The following PSMG2 variants were observed in gnomAD, a reference collection of about 807,000 sequenced individuals.
PSMG2 encodes CD40 ligand-activated specific transcript 3.
Under a neutral mutation model 31.5 loss-of-function variants are expected in PSMG2, and 21 were observed. The ratio of observed to expected loss-of-function variants is 0.67; its 90% confidence interval spans 0.47 to 0.96. The LOEUF is 0.96. Among genes scored for constraint, PSMG2 ranks in the 40% least tolerant of loss-of-function variants. PSMG2 has a pLI of 0.00. For missense variants in PSMG2, 318 were observed against 321.2 expected, an observed-to-expected ratio of 0.99 and a Z score of 0.08; for synonymous variants, 120 against 110.4, an observed-to-expected ratio of 1.09 and a Z score of -0.54.
chr18:12,668,932 G>T (rs1441567612), intron 1 of PSMG2, among the ~76,000 whole-genome samples: 1 of 149,946 alleles, frequency 6.7e-6, no homozygotes, highest in East Asian at 2.0e-4. Context: ...GTAGAGACGG[G>T]GTTTCATCAA....
chr18:12,682,721 C>T (rs1291333533), intron 1 of PSMG2, among the ~76,000 whole-genome samples: 1 of 151,910 alleles, frequency 6.6e-6, no homozygotes, highest in Non-Finnish European at 1.5e-5. Flanking sequence ...CTCCTCCTCC[C>T]GGGTTCCAAT....
chr18:12,670,535 C>T (rs1056450425), intron 1 of PSMG2: 8 of 152,098 alleles, frequency 5.3e-5, no homozygotes, highest in African/African-American at 1.9e-4. Context: ...GTTAATACAG[C>T]CTTGATCTTA....
chr18:12,716,150 C>A (rs1460439883), intron 3 of PSMG2, among the ~76,000 whole-genome samples: 1 of 152,148 alleles, frequency 6.6e-6, no homozygotes. Context: ...ACTTTTGATG[C>A]TACATTTGAT....
At chr18:12,671,059 G>A (rs1299276449) in intron 1 of PSMG2, 3 of 150,746 alleles carry the variant, frequency 2.0e-5, no homozygotes, top group African/African-American at 7.3e-5. Context: ...TAATATTTCA[G>A]ACTTTTTAAA....
intron 1 of PSMG2, chr18:12,672,781 C>T (rs1208166239): frequency 2.0e-6 from 2 of 978,872 alleles, no homozygotes; most frequent in African/African-American, 3.5e-5. Context: ...AATATTTATG[C>T]TTTTCTGGTA....
chr18:12,725,677 C>A lies in PSMG2; in HGVS notation c.*146C>A. 2.1e-6 allele frequency: 1 copy of A among 483,650 alleles called. No homozygotes were observed. Among genetic ancestry groups the A allele is most frequent in the Non-Finnish European group, 3.5e-6 (1 of 282,738 alleles). 30.0% of individuals were successfully genotyped at this position (483,650 alleles called of 1,614,324 possible). A position where few individuals can be genotyped will look rare whatever the true frequency, so the allele number is the denominator to read the frequency against. On this transcript the variant is annotated 3_prime_UTR_variant, in exon 7 of 7. Transcript: ENST00000317615. ...AGAAAAAAGATTAAGGGTCTCTTTGCCATGCTTTTCATCATATGCACCAAA... is the reference window on the plus strand; with the variant it reads ...AGAAAAAAGATTAAGGGTCTCTTTGACATGCTTTTCATCATATGCACCAAA...
upstream of PSMG2, chr18:12,699,257 T>C: frequency 8.1e-7 from 1 of 1,227,556 alleles, no homozygotes; most frequent in Non-Finnish European, 1.2e-6. Flanking sequence ...TAAAAGAATG[T>C]GATCAAGACA....
intron 3 of PSMG2, 106 bp from the exon 4 acceptor site, chr18:12,718,406 ATAAAT>A (rs2040398411): frequency 5.7e-6 from 3 of 527,572 alleles, no homozygotes; most frequent in Non-Finnish European, 9.6e-6. Context: ...TTCAGTATAT[ATAAAT>A]TATATATCAT....
intron 3 of PSMG2, among the ~76,000 whole-genome samples, chr18:12,716,402 T>C (rs1433820835): frequency 2.0e-5 from 3 of 150,546 alleles, no homozygotes; most frequent in Non-Finnish European, 4.4e-5. Context: ...TTTTTTTTTT[T>C]TTTTTTTTTG....
At chr18:12,661,251 T>C (rs2038690571) in intron 1 of PSMG2, 1 of 366,902 alleles carries the variant, frequency 2.7e-6, no homozygotes, top group South Asian at 1.1e-4. Context: ...GAGCGTGCAG[T>C]GAGCCGAGAT....
chr18:12,703,690 G>C (rs1372902090), intron 1 of PSMG2, among the ~76,000 whole-genome samples: 1 of 152,134 alleles, frequency 6.6e-6, no homozygotes, highest in African/African-American at 2.4e-5. Flanking sequence ...CACTGTAGTT[G>C]GAAACATGTA....
intron 1 of PSMG2, among the ~76,000 whole-genome samples, chr18:12,691,709 A>T (rs1240212176): frequency 5.7e-5 from 8 of 140,300 alleles, no homozygotes; most frequent in Non-Finnish European, 1.2e-4. Context: ...CAAAGACAGA[A>T]TTTTTTTTTT....
chr18:12,724,455 G>T, intron 5 of PSMG2, 44 bp from the exon 6 acceptor site: 1 of 1,544,914 alleles, frequency 6.5e-7, no homozygotes, highest in Non-Finnish European at 8.7e-7. Context: ...GTCAGCTCTT[G>T]TACCCTATGA....
At chr18:12,670,015 A>G (rs1315745283) in intron 1 of PSMG2, among the ~76,000 whole-genome samples, 2 of 151,296 alleles carry the variant, frequency 1.3e-5, no homozygotes, top group African/African-American at 4.9e-5. Context: ...AAGAAAAGAA[A>G]AAGAAAAAGA....
chr18:12,669,312 A>G (rs976769309), intron 1 of PSMG2, among the ~76,000 whole-genome samples: 10 of 151,794 alleles, frequency 6.6e-5, no homozygotes, highest in Non-Finnish European at 1.2e-4. Flanking sequence ...GGGTTTCTCT[A>G]TGTTGGTCAG....
chr18:12,701,102 A>G (rs765489858), upstream of PSMG2: 2 of 1,611,412 alleles, frequency 1.2e-6, no homozygotes, highest in East Asian at 4.5e-5. Flanking sequence ...TTATTCTACC[A>G]TGGACATCCA....
chr18:12,660,195 G>A (rs2038667519), intron 1 of PSMG2, among the ~76,000 whole-genome samples: 1 of 152,078 alleles, frequency 6.6e-6, no homozygotes. Flanking sequence ...GCATAGAGCA[G>A]TAAATAAATC....
chr18:12,664,360 G>A (rs972154832), intron 1 of PSMG2, among the ~76,000 whole-genome samples: 8 of 151,898 alleles, frequency 5.3e-5, no homozygotes, highest in Non-Finnish European at 8.8e-5. Context: ...TGGCTAACAC[G>A]GTGAAACCTC....
intron 1 of PSMG2, among the ~76,000 whole-genome samples, chr18:12,666,991 C>G (rs2038816926): frequency 6.6e-6 from 1 of 151,722 alleles, no homozygotes; most frequent in Non-Finnish European, 1.5e-5. Flanking sequence ...AAATCTCAAT[C>G]TGATTCTGAT....
Sources: gnomAD v4.1 joint callset for allele counts (sites outside exome capture counted in the v4.1 genomes callset) on GRCh38, gnomAD v4.1.1 for gene constraint, MANE v1.5 for transcripts, NCBI Gene and HGNC (gene_info 2026-07-23, HGNC 2026-07-21) for gene names.